Variants in NPAS3 observed in about 807,000 individuals in gnomAD.
The protein encoded by NPAS3 is neuronal PAS domain protein 3, also known as neuronal PAS domain-containing protein 3.
A neutral mutation model predicts 73.1 loss-of-function variants in NPAS3; 14 were observed. The ratio of observed to expected loss-of-function variants is 0.19; its 90% CI spans 0.13 to 0.30. NPAS3 has a LOEUF of 0.30. Among genes scored for constraint, NPAS3 ranks in the 10% least tolerant of loss-of-function variants. The pLI is 1.00. For missense variants in NPAS3, 1,096 were observed against 1,250.0 expected, an observed-to-expected ratio of 0.88 and a Z score of 1.86; for synonymous variants, 620 against 541.5, an observed-to-expected ratio of 1.14 and a Z score of -2.01.
intron 1 of NPAS3, among the ~76,000 whole-genome samples, chr14:32,994,957 T>C (rs2038505591): frequency 6.6e-6 from 1 of 152,204 alleles, no homozygotes; most frequent in Non-Finnish European, 1.5e-5. Context: ...ATTTTAAATA[T>C]TTAAGCACTT....
chr14:33,564,096 A>G (rs2055800914), intron 5 of NPAS3, among the ~76,000 whole-genome samples: 1 of 152,208 alleles, frequency 6.6e-6, no homozygotes, highest in Non-Finnish European at 1.5e-5. Flanking sequence ...TCAAAATAGA[A>G]CTAGGGAATA....
chr14:33,334,653 T>C (rs1393576279), intron 3 of NPAS3, among the ~76,000 whole-genome samples: 1 of 152,180 alleles, frequency 6.6e-6, no homozygotes, highest in African/African-American at 2.4e-5. Flanking sequence ...TTAGGCACCA[T>C]CTGATGTTCA....
At chr14:33,294,287 T>C (rs1361759297) in intron 3 of NPAS3, among the ~76,000 whole-genome samples, 14 of 152,194 alleles carry the variant, frequency 9.2e-5, no homozygotes, top group Admixed American at 5.9e-4. Context: ...TCCATGTTCT[T>C]TTTCTCCACT....
intron 5 of NPAS3, among the ~76,000 whole-genome samples, chr14:33,664,347 A>C (rs2140287720): frequency 6.6e-6 from 1 of 152,318 alleles, no homozygotes; most frequent in Admixed American, 6.5e-5. Context: ...CCCTTTCCTT[A>C]CACCTTATAC....
At chr14:33,000,773 G>T (rs1226955061) in intron 1 of NPAS3, among the ~76,000 whole-genome samples, 6 of 152,174 alleles carry the variant, frequency 3.9e-5, no homozygotes, top group Non-Finnish European at 8.8e-5. Context: ...GAAAATTATT[G>T]CAAGGACTAT....
At chr14:33,757,947 G>A (rs1236427783) in intron 7 of NPAS3, among the ~76,000 whole-genome samples, 1 of 152,178 alleles carries the variant, frequency 6.6e-6, no homozygotes, top group Non-Finnish European at 1.5e-5. Context: ...TGGACTCTGA[G>A]CTCCTTGGTA....
At chr14:33,604,470 A>G (rs2057495195) in intron 5 of NPAS3, among the ~76,000 whole-genome samples, 1 of 152,092 alleles carries the variant, frequency 6.6e-6, no homozygotes, top group Non-Finnish European at 1.5e-5. Flanking sequence ...CCGAGTATAA[A>G]GCAGTACTGC....
chr14:33,440,976 C>T (rs1372725104), intron 4 of NPAS3, among the ~76,000 whole-genome samples: 1 of 151,674 alleles, frequency 6.6e-6, no homozygotes, highest in African/African-American at 2.4e-5. Context: ...AGAATGTTTT[C>T]CTAGTGTGCC....
At chr14:33,591,339 A>C (rs1177577905) in intron 5 of NPAS3, among the ~76,000 whole-genome samples, 3 of 152,124 alleles carry the variant, frequency 2.0e-5, no homozygotes, top group Non-Finnish European at 2.9e-5. Flanking sequence ...CCTAGCCTGC[A>C]CAAGCTCCAC....
chr14:33,558,266 CTT>C (rs1222683330), intron 4 of NPAS3, among the ~76,000 whole-genome samples: 2 of 146,216 alleles, frequency 1.4e-5, no homozygotes, highest in African/African-American at 2.5e-5. Flanking sequence ...GGAAAATTCA[CTT>C]TTTTTTTTTT....
rs8007352 is a variant in NPAS3, at chr14:33,330,400, A to G, written c.386-36786A>G. ...TTCATTTTAGTGCACTTCCTGTGGG[A>G]CCTTGGGCAAGTCACTCTTACAGAG... is the stretch of plus-strand genomic sequence containing the variant. On this transcript the variant is annotated intron_variant, in intron 3 of 11. Transcript: ENST00000356141. Among the ~76,000 whole-genome samples the G allele has an allele frequency of 3.6e-3, 542 of 152,264 alleles. 4 individuals are homozygous for G. The highest frequency in any genetic ancestry group is 0.012 in the African/African-American group (514 of 41,550).
chr14:33,152,091 A>G (rs1447953499), intron 2 of NPAS3, among the ~76,000 whole-genome samples: 1 of 152,050 alleles, frequency 6.6e-6, no homozygotes, highest in Non-Finnish European at 1.5e-5. Flanking sequence ...AAAAGTGTGT[A>G]TATGGGGTCT....
chr14:33,098,790 A>G (rs1232262793), intron 2 of NPAS3, among the ~76,000 whole-genome samples: 1 of 152,258 alleles, frequency 6.6e-6, no homozygotes, highest in African/African-American at 2.4e-5. Flanking sequence ...GAAATAAATC[A>G]GTGAAGCCAT....
chr14:33,170,495 T>G (rs2045349725), intron 2 of NPAS3, among the ~76,000 whole-genome samples: 1 of 152,200 alleles, frequency 6.6e-6, no homozygotes, highest in African/African-American at 2.4e-5. Context: ...CATTGATTGA[T>G]TTGACCTTTC....
At chr14:33,000,200 G>A (rs1303698414) in intron 1 of NPAS3, among the ~76,000 whole-genome samples, 1 of 152,018 alleles carries the variant, frequency 6.6e-6, no homozygotes, top group Admixed American at 6.5e-5. Flanking sequence ...GCCAGTTGTT[G>A]CCCAGGTCAC....
intron 7 of NPAS3, among the ~76,000 whole-genome samples, chr14:33,739,420 G>A (rs972911622): frequency 3.9e-5 from 6 of 152,074 alleles, no homozygotes; most frequent in African/African-American, 9.7e-5. Flanking sequence ...TATTAGGATC[G>A]CTCATATACT....
At chr14:33,784,745 A>ATTTTTTTTTTTTATTTT (rs2063103673) in intron 9 of NPAS3, among the ~76,000 whole-genome samples, 1 of 73,840 alleles carries the variant, frequency 1.4e-5, no homozygotes, top group African/African-American at 6.3e-5. Context: ...TTATTTATTT[A>ATTTTTTTTTTTTATTTT]TTTTTTTTTT....
At chr14:33,306,529 T>G (rs1276339791) in intron 3 of NPAS3, among the ~76,000 whole-genome samples, 3 of 152,224 alleles carry the variant, frequency 2.0e-5, no homozygotes, top group African/African-American at 7.2e-5. Context: ...AAATTAAAAT[T>G]GGCTTAGCAG....
At chr14:32,977,338 G>A (rs1276063595) in intron 1 of NPAS3, among the ~76,000 whole-genome samples, 1 of 66,838 alleles carries the variant, frequency 1.5e-5, no homozygotes, top group East Asian at 5.6e-4. Flanking sequence ...ACCTTTCTAC[G>A]AGTTTTGTCT....
Sources: gnomAD v4.1 joint callset for allele counts (sites outside exome capture counted in the v4.1 genomes callset) on GRCh38, gnomAD v4.1.1 for gene constraint, MANE v1.5 for transcripts, NCBI Gene and HGNC (gene_info 2026-07-23, HGNC 2026-07-21) for gene names.